Variants in MGAT4C observed in about 807,000 individuals in gnomAD.
The protein encoded by MGAT4C is alpha-1,3-mannosyl-glycoprotein 4-beta-N-acetylglucosaminyltransferase C.
Under a neutral mutation model 40.1 loss-of-function variants are expected in MGAT4C, and 19 were observed. That is an observed-to-expected ratio of 0.47 (90% CI 0.33 to 0.70). MGAT4C has a LOEUF of 0.70. MGAT4C is among the 30% of genes least tolerant of loss of function. The probability of loss-of-function intolerance (pLI) is 0.02; values close to 1 mark genes in which losing one functional copy is unlikely to be tolerated. For missense variants in MGAT4C, 491 were observed against 563.2 expected (o/e 0.87, Z 1.30); for synonymous variants, 181 against 187.1 (o/e 0.97, Z 0.27).
intron 2 of MGAT4C, among the ~76,000 whole-genome samples, chr12:86,696,529 T>C (rs1378409024): frequency 6.6e-6 from 1 of 152,214 alleles, no homozygotes; most frequent in Admixed American, 6.5e-5. Flanking sequence ...GGCAAGTCCA[T>C]CCGTTTTTGG....
At chr12:86,240,563 T>G (rs1951741812) in intron 1 of MGAT4C, among the ~76,000 whole-genome samples, 1 of 152,154 alleles carries the variant, frequency 6.6e-6, no homozygotes, top group Non-Finnish European at 1.5e-5. Flanking sequence ...TTCATCTACT[T>G]TTAACCAAAA....
At chr12:85,993,292 T>C (rs1241785546) in intron 2 of MGAT4C, among the ~76,000 whole-genome samples, 3 of 152,140 alleles carry the variant, frequency 2.0e-5, no homozygotes, top group Non-Finnish European at 2.9e-5. Flanking sequence ...ATATCTTATA[T>C]AGGGCCAGGG....
chr12:86,537,130 C>CA (rs1281801133), intron 2 of MGAT4C, among the ~76,000 whole-genome samples: 2 of 151,896 alleles, frequency 1.3e-5, no homozygotes, highest in Non-Finnish European at 2.9e-5. Flanking sequence ...GACAAAAAAC[C>CA]AAACACCGCA....
intron 1 of MGAT4C, among the ~76,000 whole-genome samples, chr12:86,737,015 A>AT (rs1491213494): frequency 1.1e-3 from 110 of 95,934 alleles, no homozygotes; most frequent in Admixed American, 4.2e-3. Context: ...GCAATTCTAT[A>AT]AAAAAAAAAA....
chr12:86,617,036 C>G (rs986832210), intron 2 of MGAT4C, among the ~76,000 whole-genome samples: 1 of 152,140 alleles, frequency 6.6e-6, no homozygotes, highest in Non-Finnish European at 1.5e-5. Flanking sequence ...ACATTGATTA[C>G]ATAACTACAG....
chr12:86,333,620 T>C (rs1335138438), intron 4 of MGAT4C, among the ~76,000 whole-genome samples: 1 of 152,166 alleles, frequency 6.6e-6, no homozygotes, highest in Non-Finnish European at 1.5e-5. Context: ...CATTAACTGA[T>C]AGCTTATTCT....
At chr12:86,687,493 T>C (rs1416440217) in intron 2 of MGAT4C, among the ~76,000 whole-genome samples, 1 of 152,256 alleles carries the variant, frequency 6.6e-6, no homozygotes, top group African/African-American at 2.4e-5. Context: ...AATTTCCCTC[T>C]TAACACTGCT....
chr12:86,567,399 T>C (rs1047462182), intron 2 of MGAT4C, among the ~76,000 whole-genome samples: 17 of 152,106 alleles, frequency 1.1e-4, no homozygotes, highest in African/African-American at 4.1e-4. Flanking sequence ...CACCTCTAAG[T>C]CAATAGGCTA....
intron 2 of MGAT4C, among the ~76,000 whole-genome samples, chr12:86,569,041 G>A (rs753730330): frequency 6.6e-5 from 10 of 151,754 alleles, no homozygotes; most frequent in Admixed American, 4.6e-4. Flanking sequence ...AAAAATGGGC[G>A]GGGGGAATAA....
chr12:86,769,458 G>A lies in MGAT4C; in HGVS notation c.-261-42217C>T, dbSNP rs111876871. Among the ~76,000 whole-genome samples the A allele has an allele frequency of 8.5e-4, 129 of 152,226 alleles. 3 individuals carry two copies. The highest frequency in any genetic ancestry group is 1.8e-3 in the African/African-American group (75 of 41,560). On this transcript the variant is annotated intron_variant, in intron 1 of 7. Coordinates refer to the MGAT4C transcript ENST00000548651. ...CAACCATTGTGGAAGTCAGTGTGGC[G>A]ATTCCTCAGGGATCTAGAACTAGAA...
intron 1 of MGAT4C, among the ~76,000 whole-genome samples, chr12:86,745,334 A>G (rs1565961342): frequency 6.6e-6 from 1 of 151,798 alleles, no homozygotes; most frequent in African/African-American, 2.4e-5. Flanking sequence ...TGGAGAATGA[A>G]CAAATTTCTG....
chr12:86,130,494 T>C (rs1881016788), intron 1 of MGAT4C, among the ~76,000 whole-genome samples: 1 of 152,090 alleles, frequency 6.6e-6, no homozygotes, highest in Non-Finnish European at 1.5e-5. Flanking sequence ...AAGGCAATGC[T>C]TTCCTAACTC....
chr12:86,094,208 T>A (rs575622818), intron 1 of MGAT4C, among the ~76,000 whole-genome samples: 1 of 152,022 alleles, frequency 6.6e-6, no homozygotes, highest in Non-Finnish European at 1.5e-5. Flanking sequence ...GGAGAGAAAA[T>A]AAGGTTGTAA....
At chr12:86,112,054 T>C (rs571425552) in intron 1 of MGAT4C, among the ~76,000 whole-genome samples, 1 of 151,936 alleles carries the variant, frequency 6.6e-6, no homozygotes, top group African/African-American at 2.4e-5. Flanking sequence ...TCTCAATACC[T>C]GTGGGAGCAA....
intron 2 of MGAT4C, among the ~76,000 whole-genome samples, chr12:86,624,977 A>G (rs1327898768): frequency 6.6e-6 from 1 of 151,800 alleles, no homozygotes; most frequent in Non-Finnish European, 1.5e-5. Flanking sequence ...CCAGGGAGGG[A>G]TCTGGTGGGA....
chr12:86,723,882 A>G (rs1476438080), intron 2 of MGAT4C, among the ~76,000 whole-genome samples: 1 of 152,230 alleles, frequency 6.6e-6, no homozygotes, highest in Non-Finnish European at 1.5e-5. Flanking sequence ...TCATTGGTAA[A>G]TAGGCAAAAA....
intron 1 of MGAT4C, among the ~76,000 whole-genome samples, chr12:86,130,681 G>T (rs1322948876): frequency 3.3e-5 from 5 of 151,690 alleles, no homozygotes; most frequent in Non-Finnish European, 7.4e-5. Context: ...TTCTGAAATA[G>T]GTATGAGCTT....
At chr12:86,575,214 TGA>T (rs1190194944) in intron 2 of MGAT4C, among the ~76,000 whole-genome samples, 1 of 149,580 alleles carries the variant, frequency 6.7e-6, no homozygotes, top group African/African-American at 2.4e-5. Context: ...ATTTATCCTT[TGA>T]GTTACAATCC....
chr12:86,532,412 A>G (rs1959000495), intron 2 of MGAT4C, among the ~76,000 whole-genome samples: 1 of 152,040 alleles, frequency 6.6e-6, no homozygotes, highest in South Asian at 2.1e-4. Context: ...CTAAAGACAA[A>G]GTAGGTTTTT....
Sources: gnomAD v4.1 joint callset for allele counts (sites outside exome capture counted in the v4.1 genomes callset) on GRCh38, gnomAD v4.1.1 for gene constraint, MANE v1.5 for transcripts, NCBI Gene and HGNC (gene_info 2026-07-23, HGNC 2026-07-21) for gene names.